The following USP48 variants were observed in gnomAD, a reference collection of about 807,000 sequenced individuals.
USP48 encodes the protein ubiquitin carboxyl-terminal hydrolase 48.
A neutral mutation model predicts 150.7 loss-of-function variants in USP48; 43 were observed. The observed-to-expected ratio is 0.29, with a 90% CI of 0.22 to 0.37. The LOEUF is 0.37. Ranked by LOEUF, USP48 falls within the 10% of genes least tolerant of loss-of-function variation. The pLI, the probability that USP48 is intolerant of heterozygous loss-of-function variation, is 1.00. For missense variants in USP48, 813 were observed against 1,249.6 expected, an observed-to-expected ratio of 0.65 and a Z score of 5.27; for synonymous variants, 396 against 425.9, an observed-to-expected ratio of 0.93 and a Z score of 0.86.
Position 21,782,945 on chromosome 1 carries a change from G to C in USP48, c.13C>G (p.Leu5Val), listed in dbSNP as rs2097918251. MAPR[L>V]QLEKAAWRWA... ...CGCCAGGCCGCCTTCTCCAGCTGCA[G>C]CCGCGGGGCCATGGCCTTGGCCCCA... Residue 5 changes from leucine (L) to valine (V), a missense_variant, in exon 1 of 27, where the codon CTG becomes GTG. Coordinates refer to ENST00000308271, the MANE Select transcript of USP48 (RefSeq NM_032236.8). The C allele has an allele frequency of 6.5e-7, 1 of 1,545,208 alleles. No individual in the cohort carries two copies. Among genetic ancestry groups the C allele is most frequent in the African/African-American group, 1.4e-5 (1 of 71,946 alleles).
chr1:21,698,347 A>G (rs1358248008), intron 22 of USP48, among the ~76,000 whole-genome samples: 2 of 152,246 alleles, frequency 1.3e-5, no homozygotes, highest in African/African-American at 4.8e-5. Flanking sequence ...ATAAAAAATA[A>G]TTACAGTATA....
Position 21,783,053 on chromosome 1 carries a change from G to A in USP48, c.-96C>T, listed in dbSNP as rs1050447196. On this transcript the variant is annotated 5_prime_UTR_variant, in exon 1 of 27. Transcript: ENST00000308271. ...AATGGGCTTCGCCACCTGCCAGCAA[G>A]GAGGACCTGGCGCTCCTTCAGGCAG... 5.7e-6 allele frequency: 8 copies of A among 1,395,626 alleles called. No homozygotes were observed. The highest frequency in any genetic ancestry group is 7.4e-6 in the Non-Finnish European group (8 of 1,082,756). 86.5% of individuals were successfully genotyped at this position (1,395,626 alleles called of 1,614,324 possible).
chr1:21,682,147 T>A (rs1250091061), intron 25 of USP48, among the ~76,000 whole-genome samples: 1 of 152,176 alleles, frequency 6.6e-6, no homozygotes, highest in Admixed American at 6.5e-5. Context: ...GCATGACAGA[T>A]CAATCTTTTG....
At position 21,734,681 on chromosome 1, in the gene USP48, T is replaced by C. The variant is rs77213445; in HGVS notation, c.1171+1765A>G. On this transcript the variant is annotated intron_variant, in intron 9 of 26. Transcript: ENST00000308271. ...TCATCCAAAGCTGTTTAGCACTTTC[T>C]TGTGAAATGATATGACCACACTTGT... Among the ~76,000 whole-genome samples, 11 of 152,350 alleles carry C rather than the reference T, an allele frequency of 7.2e-5. No homozygotes were observed. The East Asian group carries it at 1.9e-3, about 27-fold the overall frequency.
intron 1 of USP48, among the ~76,000 whole-genome samples, chr1:21,774,446 T>C (rs959713605): frequency 1.2e-4 from 18 of 152,152 alleles, no homozygotes; most frequent in African/African-American, 3.9e-4. Flanking sequence ...CCCAGCACTT[T>C]GGGAGGCCAA....
chr1:21,716,667 C>T (rs1485188818), intron 14 of USP48, among the ~76,000 whole-genome samples: 3 of 152,186 alleles, frequency 2.0e-5, no homozygotes, highest in Non-Finnish European at 4.4e-5. Context: ...CACTGTGTCA[C>T]TATCAATTTA....
intron 25 of USP48, among the ~76,000 whole-genome samples, chr1:21,681,429 T>C (rs1031420859): frequency 6.6e-6 from 1 of 152,000 alleles, no homozygotes; most frequent in Admixed American, 6.6e-5. Flanking sequence ...ACTTGGCTAA[T>C]TTTTGTATTT....
chr1:21,744,804 G>GAAAAAAAAAA (rs2097790606), intron 8 of USP48, among the ~76,000 whole-genome samples: 3 of 74,772 alleles, frequency 4.0e-5, no homozygotes, highest in Admixed American at 2.9e-4. Flanking sequence ...AAAAAAAAAT[G>GAAAAAAAAAA]CTAAGCTTTT....
chr1:21,702,231 T>G (rs1285596773), intron 21 of USP48, among the ~76,000 whole-genome samples: 2 of 152,156 alleles, frequency 1.3e-5, no homozygotes, highest in African/African-American at 4.8e-5. Flanking sequence ...AGCAGAACCC[T>G]TGGCCTCCAG....
In USP48 at chr1:21,782,829, C is replaced by G. The variant is rs1260971619; in HGVS notation, c.129G>C (p.Val43=). 6.4e-7 allele frequency: 1 copy of G among 1,553,714 alleles called. No homozygotes were observed. Among genetic ancestry groups the G allele is most frequent in the Admixed American group, 1.9e-5 (1 of 51,754 alleles). ...RIWLEPCIRG[V]CRRNCKGNPN... Reference sequence around the variant, plus strand: ...GCGCGGTGCGCGGGCCTCACCTGCACACGCCGCGAATGCAGGGCTCCAGCC... The same window carrying G: ...GCGCGGTGCGCGGGCCTCACCTGCAGACGCCGCGAATGCAGGGCTCCAGCC... Residue 43 remains valine, a synonymous_variant, in exon 1 of 27, where the codon GTG becomes GTC. Coordinates refer to ENST00000308271, the MANE Select transcript of USP48 (RefSeq NM_032236.8).
In USP48 at chr1:21,729,750, A is replaced by G. The variant is rs138249562; in HGVS notation, c.1254T>C (p.Tyr418=). 5.4e-4 allele frequency: 879 copies of G among 1,614,036 alleles called. No individual in the cohort carries two copies. The highest frequency in any genetic ancestry group is 1.2e-3 in the Admixed American group (74 of 60,002). Residue 418 remains tyrosine (Y), a synonymous_variant, in exon 10 of 27, where the codon TAT becomes TAC. Coordinates refer to ENST00000308271, the MANE Select transcript of USP48 (RefSeq NM_032236.8). The part of the protein sequence containing the change: ...HCSRNAYMLV[Y]RLQTQEKPNT... The stretch of plus-strand genomic sequence containing the variant: ...TGGGCTTTTCTTGAGTTTGCAGTCT[A>G]TAAACCAACATATATGCATTTCGAG...
Position 21,703,708 on chromosome 1 carries a change from T to C in USP48, c.2516-90A>G, listed in dbSNP as rs1184025428. The C allele has an allele frequency of 4.1e-6, 4 of 978,892 alleles. No individual in the cohort carries two copies. The African/African-American group carries it at 6.5e-5, about 16-fold the overall frequency. The allele number at this position is 978,892 out of a possible 1,614,324, so 60.6% of individuals were successfully genotyped here. On this transcript the variant is annotated intron_variant, in intron 20 of 26. Transcript: ENST00000308271. Reference sequence around the variant, plus strand: ...ATCTAAAAACATATGTCAAAGTTACTAGTGAATATTCATTAAACTCTTAGT... The same window carrying C: ...ATCTAAAAACATATGTCAAAGTTACCAGTGAATATTCATTAAACTCTTAGT...
intron 1 of USP48, among the ~76,000 whole-genome samples, chr1:21,779,380 A>C (rs2097908855): frequency 6.6e-6 from 1 of 152,016 alleles, no homozygotes; most frequent in African/African-American, 2.4e-5. Flanking sequence ...CCCAGTCTCT[A>C]CTAAAAAATA....
intron 3 of USP48, among the ~76,000 whole-genome samples, chr1:21,753,548 T>C (rs1475564456): frequency 6.6e-6 from 1 of 151,746 alleles, no homozygotes; most frequent in African/African-American, 2.4e-5. Flanking sequence ...AAAACAAGGC[T>C]GGGCACGGTG....
At chr1:21,761,099 G>GA (rs2097848882) in intron 1 of USP48, among the ~76,000 whole-genome samples, 2 of 131,858 alleles carry the variant, frequency 1.5e-5, no homozygotes, top group African/African-American at 5.8e-5. Flanking sequence ...TGTCTCAAAA[G>GA]AAAAAAAAGA....
intron 23 of USP48, among the ~76,000 whole-genome samples, chr1:21,691,055 C>T (rs2097597362): frequency 6.6e-6 from 1 of 152,130 alleles, no homozygotes. Context: ...TGGCTCTCGC[C>T]TGTAATCCCA....
chr1:21,760,457 T>A (rs2097847175), intron 1 of USP48, among the ~76,000 whole-genome samples: 1 of 152,242 alleles, frequency 6.6e-6, no homozygotes, highest in Non-Finnish European at 1.5e-5. Flanking sequence ...GGCTCACGCC[T>A]GTAATCCCAG....
intron 1 of USP48, among the ~76,000 whole-genome samples, chr1:21,760,049 T>G (rs1489439448): frequency 6.6e-6 from 1 of 152,160 alleles, no homozygotes; most frequent in East Asian, 1.9e-4. Context: ...ACCACACACC[T>G]TCTGGTATAA....
intron 23 of USP48, among the ~76,000 whole-genome samples, chr1:21,693,470 A>G (rs2097609880): frequency 6.6e-6 from 1 of 152,156 alleles, no homozygotes. Flanking sequence ...CTGAAGCAAG[A>G]GTGGGAGATG....
Sources: allele counts gnomAD v4.1 joint callset (sites outside exome capture counted in the v4.1 genomes callset), GRCh38; gene constraint gnomAD v4.1.1; transcripts MANE v1.5; gene names NCBI Gene and HGNC (gene_info 2026-07-23, HGNC 2026-07-21).